The following DPP10 variants were observed in gnomAD, a reference collection of about 807,000 sequenced individuals.
DPP10 encodes the protein dipeptidyl peptidase like 10, also known as inactive dipeptidyl peptidase 10.
DPP10 carries 33 observed loss-of-function variants against 120.9 expected under a neutral mutation model. The ratio of observed to expected loss-of-function variants is 0.27; its 90% CI spans 0.21 to 0.37. The LOEUF is 0.37. DPP10 is among the 10% of genes least tolerant of loss of function. The pLI is 1.00. For missense variants in DPP10, 816 were observed against 942.8 expected (o/e 0.87, Z 1.76); for synonymous variants, 337 against 326.1 (o/e 1.03, Z -0.36).
intron 3 of DPP10, among the ~76,000 whole-genome samples, chr2:115,466,653 TAATAA>T (rs2074344146): frequency 6.6e-6 from 1 of 152,148 alleles, no homozygotes; most frequent in South Asian, 2.1e-4. Context: ...AAGGGTTACA[TAATAA>T]AATATTAATT....
intron 1 of DPP10, among the ~76,000 whole-genome samples, chr2:114,563,448 C>G (rs1688934597): frequency 6.6e-6 from 1 of 152,000 alleles, no homozygotes; most frequent in South Asian, 2.1e-4. Flanking sequence ...AAGGGTGAAT[C>G]TAGACTTCCA....
intron 5 of DPP10, among the ~76,000 whole-genome samples, chr2:115,603,122 CTGTGTGTGTGTGTGTGTGTGTGTGTG>C (rs61161169): frequency 4.9e-5 from 7 of 143,904 alleles, no homozygotes; most frequent in Non-Finnish European, 1.1e-4. Context: ...ATAAATAAAA[CTGTGTGTGTGTGTGTGTGTGTGTGTG>C]TGTGTGTGTG....
At chr2:115,527,414 A>C (rs2078199000) in intron 5 of DPP10, among the ~76,000 whole-genome samples, 2 of 152,182 alleles carry the variant, frequency 1.3e-5, no homozygotes, top group African/African-American at 2.4e-5. Context: ...CATGCTTTTA[A>C]ATGTAAAGTA....
chr2:114,449,139 G>T (rs935736230), intron 1 of DPP10, among the ~76,000 whole-genome samples: 1 of 152,130 alleles, frequency 6.6e-6, no homozygotes, highest in Admixed American at 6.6e-5. Flanking sequence ...CAGAAATTGT[G>T]CTGGAGAAAT....
intron 5 of DPP10, among the ~76,000 whole-genome samples, chr2:115,683,475 C>A (rs1046282455): frequency 6.6e-6 from 1 of 151,684 alleles, no homozygotes; most frequent in Non-Finnish European, 1.5e-5. Flanking sequence ...CAAGAGTAAA[C>A]CCTAGTGTAA....
At chr2:115,763,440 GTCT>G (rs1680344168) in intron 12 of DPP10, among the ~76,000 whole-genome samples, 1 of 151,990 alleles carries the variant, frequency 6.6e-6, no homozygotes, top group East Asian at 1.9e-4. Flanking sequence ...TTTCTAGTCA[GTCT>G]TCTTAATTTT....
chr2:114,505,702 C>T (rs903218708), intron 1 of DPP10, among the ~76,000 whole-genome samples: 11 of 152,160 alleles, frequency 7.2e-5, no homozygotes, highest in African/African-American at 2.4e-5. Flanking sequence ...TGTGAAGTCA[C>T]TCCGCTGGGA....
At chr2:115,490,654 A>T (rs1203672720) in intron 3 of DPP10, among the ~76,000 whole-genome samples, 1 of 152,198 alleles carries the variant, frequency 6.6e-6, no homozygotes, top group Non-Finnish European at 1.5e-5. Context: ...TACAAAGTTT[A>T]TTTCTTCCAT....
At chr2:115,658,359 C>G (rs1303227463) in intron 5 of DPP10, among the ~76,000 whole-genome samples, 3 of 151,798 alleles carry the variant, frequency 2.0e-5, no homozygotes, top group Non-Finnish European at 2.9e-5. Context: ...ACCCCAATCT[C>G]CCTTATTTAT....
intron 21 of DPP10, among the ~76,000 whole-genome samples, chr2:115,822,703 C>T (rs73946625): frequency 0.014 from 2,153 of 151,974 alleles, 59 homozygotes; most frequent in African/African-American, 0.049. Flanking sequence ...TTGGTGCTTT[C>T]TGTCAATTCT....
intron 1 of DPP10, among the ~76,000 whole-genome samples, chr2:114,607,830 G>A (rs767369871): frequency 3.2e-4 from 49 of 152,314 alleles, no homozygotes; most frequent in Non-Finnish European, 5.9e-4. Context: ...GTTTGGACAC[G>A]AAGTCAGTCT....
chr2:115,500,362 A>G (rs1305495037), intron 4 of DPP10, among the ~76,000 whole-genome samples: 3 of 152,026 alleles, frequency 2.0e-5, no homozygotes, highest in Non-Finnish European at 2.9e-5. Flanking sequence ...AATGTATACA[A>G]TACAGACAAA....
intron 1 of DPP10, among the ~76,000 whole-genome samples, chr2:114,881,760 G>T (rs978240908): frequency 1.3e-5 from 2 of 152,088 alleles, no homozygotes; most frequent in African/African-American, 2.4e-5. Flanking sequence ...CAAGTTGTTT[G>T]CATCATTGGA....
At chr2:114,456,101 T>A (rs1356690875) in intron 1 of DPP10, among the ~76,000 whole-genome samples, 1 of 152,164 alleles carries the variant, frequency 6.6e-6, no homozygotes. Context: ...GTTTTCATGG[T>A]CATCACCCCG....
At chr2:115,457,623 C>T (rs1347257881) in intron 3 of DPP10, among the ~76,000 whole-genome samples, 1 of 152,028 alleles carries the variant, frequency 6.6e-6, no homozygotes, top group African/African-American at 2.4e-5. Context: ...AAATTAAAAA[C>T]ATAATGAAAT....
chr2:115,006,493 C>A (rs1444890023), intron 1 of DPP10, among the ~76,000 whole-genome samples: 1 of 150,980 alleles, frequency 6.6e-6, no homozygotes, highest in African/African-American at 2.4e-5. Flanking sequence ...CAGAGACACA[C>A]ATAGGCTCAA....
At chr2:115,381,553 T>C (rs909699702) in intron 3 of DPP10, among the ~76,000 whole-genome samples, 3 of 152,232 alleles carry the variant, frequency 2.0e-5, no homozygotes, top group Non-Finnish European at 4.4e-5. Context: ...TCTCTCAGCT[T>C]GTCAAAGTCA....
chr2:114,489,580 G>A (rs17048427), intron 1 of DPP10, among the ~76,000 whole-genome samples: 6,201 of 152,242 alleles, frequency 0.041, 204 homozygotes, highest in African/African-American at 0.088. Context: ...GTCCCATTGC[G>A]ACAATCAGTG....
chr2:115,792,616 A>G (rs1684109531), intron 19 of DPP10, among the ~76,000 whole-genome samples: 1 of 152,032 alleles, frequency 6.6e-6, no homozygotes, highest in Non-Finnish European at 1.5e-5. Context: ...GCTGTTTCTT[A>G]ATTCATTGTT....
Sources: allele counts gnomAD v4.1 joint callset (sites outside exome capture counted in the v4.1 genomes callset), GRCh38; gene constraint gnomAD v4.1.1; transcripts MANE v1.5; gene names NCBI Gene and HGNC (gene_info 2026-07-23, HGNC 2026-07-21).